PDE10A: variants seen among roughly 807,000 people sequenced by gnomAD.
PDE10A encodes the protein cAMP and cAMP-inhibited cGMP 3',5'-cyclic phosphodiesterase 10A.
In PDE10A, 39 loss-of-function variants were observed where a neutral mutation model predicts 97.7. The observed-to-expected ratio is 0.40, with a 90% CI of 0.31 to 0.52. PDE10A has a LOEUF of 0.52. PDE10A is among the 20% of genes least tolerant of loss of function. The pLI, the probability that PDE10A is intolerant of heterozygous loss-of-function variation, is 0.56. For synonymous variants in PDE10A, 371 were observed against 376.8 expected (o/e 0.98, Z 0.18); for missense variants, 731 against 1,047.8 (o/e 0.70, Z 4.17).
intron 1 of PDE10A, among the ~76,000 whole-genome samples, chr6:165,690,073 AG>A (rs1367394830): frequency 1.3e-5 from 2 of 152,276 alleles, no homozygotes; most frequent in South Asian, 4.1e-4. Flanking sequence ...TTATTAGGTA[AG>A]GCTCTGTCAT....
intron 17 of PDE10A, among the ~76,000 whole-genome samples, chr6:165,385,169 A>T (rs1021037919): frequency 2.6e-5 from 4 of 152,160 alleles, no homozygotes; most frequent in African/African-American, 9.7e-5. Context: ...TAAAATCAGC[A>T]GGACTTGGTG....
chr6:165,955,413 C>T (rs1427511339), intron 1 of PDE10A, among the ~76,000 whole-genome samples: 4 of 152,172 alleles, frequency 2.6e-5, no homozygotes, highest in Non-Finnish European at 5.9e-5. Flanking sequence ...CTTCCTGAAA[C>T]GTGGAAGTGA....
At chr6:165,932,499 C>A (rs1783168283) in intron 1 of PDE10A, among the ~76,000 whole-genome samples, 2 of 152,114 alleles carry the variant, frequency 1.3e-5, no homozygotes, top group Non-Finnish European at 2.9e-5. Context: ...CCATGCCTAG[C>A]TAATTTTTGT....
chr6:165,645,486 G>C (rs1377301934), intron 1 of PDE10A, among the ~76,000 whole-genome samples: 1 of 152,164 alleles, frequency 6.6e-6, no homozygotes, highest in East Asian at 1.9e-4. Context: ...TAAGTCCTTA[G>C]GGTGAGTTTA....
At chr6:165,781,524 G>A (rs1421337738) in intron 1 of PDE10A, 1 of 151,344 alleles carries the variant, frequency 6.6e-6, no homozygotes, top group Admixed American at 6.6e-5. Context: ...CAACAAAAAT[G>A]TTCACATCCA....
chr6:165,485,594 C>CT (rs761374906), intron 2 of PDE10A, among the ~76,000 whole-genome samples: 551 of 139,072 alleles, frequency 4.0e-3, no homozygotes, highest in Middle Eastern at 7.6e-3. Context: ...TGACAGCATC[C>CT]TTTTTTTTTT....
intron 1 of PDE10A, among the ~76,000 whole-genome samples, chr6:165,596,640 G>A (rs1004861286): frequency 3.3e-5 from 5 of 152,094 alleles, no homozygotes; most frequent in Non-Finnish European, 7.3e-5. Context: ...TGAGGTGGGA[G>A]GACTGCTTGA....
intron 1 of PDE10A, among the ~76,000 whole-genome samples, chr6:165,609,032 C>T (rs375372961): frequency 6.6e-6 from 1 of 152,118 alleles, no homozygotes; most frequent in Non-Finnish European, 1.5e-5. Context: ...GAGTAGATTG[C>T]AAAAATTTTC....
At chr6:165,944,863 T>A (rs1783714300) in intron 1 of PDE10A, among the ~76,000 whole-genome samples, 1 of 152,230 alleles carries the variant, frequency 6.6e-6, no homozygotes, top group South Asian at 2.1e-4. Context: ...TTAAAGAGGA[T>A]AAGGTCCTTT....
intron 1 of PDE10A, among the ~76,000 whole-genome samples, chr6:165,952,235 G>A: frequency 6.6e-6 from 1 of 152,228 alleles, no homozygotes; most frequent in East Asian, 1.9e-4. Flanking sequence ...CAGAAACCGT[G>A]CCAGGGATTT....
chr6:165,856,752 G>A (rs1780748140), intron 1 of PDE10A, among the ~76,000 whole-genome samples: 2 of 152,282 alleles, frequency 1.3e-5, no homozygotes, highest in South Asian at 4.1e-4. Context: ...AACTTAGTTA[G>A]GTTTCTGTTG....
chr6:165,533,165 T>C lies in PDE10A; in HGVS notation c.994+10275A>G, dbSNP rs568795977. Among the ~76,000 whole-genome samples, 4 of 152,314 alleles carry C rather than the reference T, an allele frequency of 2.6e-5. No homozygotes were observed. In the South Asian group the frequency reaches 8.3e-4, roughly 32 times the overall value. On this transcript the variant is annotated intron_variant, in intron 2 of 21. Transcript: ENST00000539869. ...AGTCACAAAATATATTAAAATAACC[T>C]TATTCTTTGATGGTGTGTTTATCTG...
At chr6:165,589,543 G>A (rs574113541) in intron 1 of PDE10A, among the ~76,000 whole-genome samples, 2 of 152,026 alleles carry the variant, frequency 1.3e-5, no homozygotes, top group Middle Eastern at 3.4e-3. Flanking sequence ...ATTTTCTCAG[G>A]CTGGTTTGGG....
intron 1 of PDE10A, chr6:165,947,075 C>T (rs1319923296): frequency 1.3e-5 from 2 of 152,140 alleles, no homozygotes; most frequent in East Asian, 1.9e-4. Context: ...TTGTTGCTTT[C>T]CTTAGGTTGC....
At chr6:165,502,211 A>T (rs1780931679) in intron 2 of PDE10A, among the ~76,000 whole-genome samples, 2 of 152,230 alleles carry the variant, frequency 1.3e-5, no homozygotes, top group African/African-American at 2.4e-5. Context: ...TTAGGCAATG[A>T]TTTCCTACAG....
intron 1 of PDE10A, among the ~76,000 whole-genome samples, chr6:165,598,411 T>G (rs1381976284): frequency 6.6e-6 from 1 of 152,226 alleles, no homozygotes; most frequent in Non-Finnish European, 1.5e-5. Context: ...AAAGGCATTT[T>G]TAGCAAAACT....
intron 18 of PDE10A, among the ~76,000 whole-genome samples, chr6:165,359,951 G>A (rs979398778): frequency 6.6e-6 from 1 of 152,124 alleles, no homozygotes; most frequent in Admixed American, 6.5e-5. Context: ...TGAGAAATCT[G>A]GGTCATGATG....
chr6:165,667,296 G>A (rs572712945), upstream of PDE10A, among the ~76,000 whole-genome samples: 7 of 152,096 alleles, frequency 4.6e-5, no homozygotes, highest in African/African-American at 7.2e-5. Flanking sequence ...TTTGGTGCAC[G>A]CATTACCCAA....
chr6:165,909,129 A>C (rs1160936024), intron 1 of PDE10A: 1 of 152,206 alleles, frequency 6.6e-6, no homozygotes, highest in Admixed American at 6.5e-5. Flanking sequence ...CACAAAAGTC[A>C]AACTTGATTT....
Sources: gnomAD v4.1 joint callset for allele counts (sites outside exome capture counted in the v4.1 genomes callset) on GRCh38, gnomAD v4.1.1 for gene constraint, MANE v1.5 for transcripts, NCBI Gene and HGNC (gene_info 2026-07-23, HGNC 2026-07-21) for gene names.